ADGRL3: variants seen among roughly 807,000 people sequenced by gnomAD.
The protein encoded by ADGRL3 is calcium-independent alpha-latrotoxin receptor 3.
Under a neutral mutation model 153.5 loss-of-function variants are expected in ADGRL3, and 62 were observed. The ratio of observed to expected loss-of-function variants is 0.40; its 90% CI spans 0.33 to 0.50. ADGRL3 has a LOEUF of 0.50. Among genes scored for constraint, ADGRL3 ranks in the 20% least tolerant of loss-of-function variants. The pLI is 0.47. For missense variants in ADGRL3, 1,641 were observed against 1,859.4 expected (o/e 0.88, Z 2.16); for synonymous variants, 710 against 672.5 (o/e 1.06, Z -0.86).
intron 15 of ADGRL3, among the ~76,000 whole-genome samples, chr4:61,941,346 A>T (rs1214665368): frequency 9.3e-6 from 1 of 107,466 alleles, no homozygotes; most frequent in African/African-American, 3.7e-5. Flanking sequence ...CTTGTAGTAT[A>T]GTTTGAAGTC....
chr4:62,018,963 G>C (rs150284009), intron 21 of ADGRL3, among the ~76,000 whole-genome samples: 1 of 152,130 alleles, frequency 6.6e-6, no homozygotes, highest in Non-Finnish European at 1.5e-5. Flanking sequence ...AGGAGTTTGC[G>C]TAGCAGTGGG....
chr4:61,888,810 T>G (rs2149558231), intron 9 of ADGRL3, among the ~76,000 whole-genome samples: 1 of 152,328 alleles, frequency 6.6e-6, no homozygotes, highest in South Asian at 2.1e-4. Flanking sequence ...AAAAATACCG[T>G]ATCATTGTTA....
At chr4:61,204,437 A>T (rs1258304256) in intron 1 of ADGRL3, among the ~76,000 whole-genome samples, 1 of 152,200 alleles carries the variant, frequency 6.6e-6, no homozygotes, top group Non-Finnish European at 1.5e-5. Context: ...CCAAGATCTA[A>T]TCACAATGAT....
intron 2 of ADGRL3, among the ~76,000 whole-genome samples, chr4:61,419,795 GA>G (rs1297206707): frequency 6.7e-6 from 1 of 150,132 alleles, no homozygotes; most frequent in Non-Finnish European, 1.5e-5. Flanking sequence ...AACATATTTA[GA>G]TTTTTTTTTT....
chr4:61,621,022 TTTTG>T (rs1015538282), intron 5 of ADGRL3, among the ~76,000 whole-genome samples: 24 of 152,312 alleles, frequency 1.6e-4, no homozygotes, highest in South Asian at 1.0e-3. Flanking sequence ...TATTTGTTAT[TTTTG>T]TTTGTTTTTT....
At chr4:61,553,928 T>G (rs1411809596) in intron 4 of ADGRL3, among the ~76,000 whole-genome samples, 1 of 152,238 alleles carries the variant, frequency 6.6e-6, no homozygotes, top group Non-Finnish European at 1.5e-5. Context: ...CAATCAGAAT[T>G]TACATATCAG....
intron 1 of ADGRL3, among the ~76,000 whole-genome samples, chr4:61,379,500 G>A (rs2096642763): frequency 6.6e-6 from 1 of 151,956 alleles, no homozygotes; most frequent in Admixed American, 6.6e-5. Flanking sequence ...TCGTTGTATT[G>A]TTTTTTAAGT....
chr4:61,779,259 A>C (rs1371750720), intron 8 of ADGRL3, among the ~76,000 whole-genome samples: 4 of 152,122 alleles, frequency 2.6e-5, no homozygotes, highest in Admixed American at 1.3e-4. Flanking sequence ...TTTTTTAAGG[A>C]CTGTTACAAA....
chr4:61,654,234 A>G (rs2094368840), intron 5 of ADGRL3, among the ~76,000 whole-genome samples: 1 of 152,130 alleles, frequency 6.6e-6, no homozygotes, highest in Admixed American at 6.5e-5. Flanking sequence ...AATATCTCTG[A>G]TAGTGGAAAT....
intron 5 of ADGRL3, among the ~76,000 whole-genome samples, chr4:61,654,469 C>T (rs1242051642): frequency 6.6e-6 from 1 of 151,772 alleles, no homozygotes; most frequent in Admixed American, 6.6e-5. Flanking sequence ...GATGTACTGT[C>T]TTTAAATTAA....
At chr4:61,410,920 T>C (rs1316826325) in intron 2 of ADGRL3, among the ~76,000 whole-genome samples, 5 of 152,112 alleles carry the variant, frequency 3.3e-5, no homozygotes, top group African/African-American at 1.2e-4. Context: ...TGAGAACCCA[T>C]CCTATGGAGG....
At chr4:61,674,695 C>T (rs2095127565) in intron 5 of ADGRL3, among the ~76,000 whole-genome samples, 1 of 151,762 alleles carries the variant, frequency 6.6e-6, no homozygotes, top group Non-Finnish European at 1.5e-5. Context: ...GAGTTCATAT[C>T]CCTGCCTATT....
At chr4:61,875,818 A>G (rs141576083) in intron 9 of ADGRL3, among the ~76,000 whole-genome samples, 1,623 of 152,288 alleles carry the variant, frequency 0.011, 17 homozygotes, top group Admixed American at 0.017. Context: ...GTGAGGACTG[A>G]TGATACTGCA....
At chr4:61,970,112 C>T (rs1203688811) in intron 17 of ADGRL3, among the ~76,000 whole-genome samples, 1 of 152,118 alleles carries the variant, frequency 6.6e-6, no homozygotes, top group Non-Finnish European at 1.5e-5. Context: ...CTCTTTGCTT[C>T]AGTTTCTTCA....
intron 24 of ADGRL3, among the ~76,000 whole-genome samples, chr4:62,040,520 C>T (rs1412445527): frequency 1.3e-5 from 2 of 151,990 alleles, no homozygotes; most frequent in Non-Finnish European, 1.5e-5. Context: ...GATATTAAGA[C>T]AAAATTTGGG....
At chr4:61,769,337 A>G (rs1163620253) in intron 8 of ADGRL3, among the ~76,000 whole-genome samples, 1 of 151,964 alleles carries the variant, frequency 6.6e-6, no homozygotes, top group Non-Finnish European at 1.5e-5. Flanking sequence ...TTGAAAGGAG[A>G]AAGAGGTTGA....
chr4:61,457,508 C>T (rs1345072842), intron 2 of ADGRL3, among the ~76,000 whole-genome samples: 1 of 151,866 alleles, frequency 6.6e-6, no homozygotes, highest in East Asian at 1.9e-4. Flanking sequence ...TCTGCAGCAG[C>T]TTGGTTTGAA....
chr4:61,447,152 A>G (rs1053076520), intron 2 of ADGRL3, among the ~76,000 whole-genome samples: 2 of 152,092 alleles, frequency 1.3e-5, no homozygotes, highest in Admixed American at 1.3e-4. Flanking sequence ...CATAAACACC[A>G]GGGGTCTTGG....
intron 21 of ADGRL3, among the ~76,000 whole-genome samples, chr4:62,028,024 G>A (rs914212958): frequency 1.3e-5 from 2 of 151,768 alleles, no homozygotes. Flanking sequence ...GTTGCAGCCT[G>A]TCTAGGAGCT....
Sources: allele counts gnomAD v4.1 joint callset (sites outside exome capture counted in the v4.1 genomes callset), GRCh38; gene constraint gnomAD v4.1.1; transcripts MANE v1.5; gene names NCBI Gene and HGNC (gene_info 2026-07-23, HGNC 2026-07-21).